The following LRRFIP1 variants were observed in gnomAD, a reference collection of about 807,000 sequenced individuals.
LRRFIP1 encodes LRR binding FLII interacting protein 1, also known as leucine-rich repeat flightless-interacting protein 1.
In LRRFIP1, 62 loss-of-function variants were observed where a neutral mutation model predicts 104.4. The ratio of observed to expected loss-of-function variants is 0.59; its 90% CI spans 0.48 to 0.73. The LOEUF (loss-of-function observed/expected upper bound fraction) is 0.73. Among genes scored for constraint, LRRFIP1 ranks in the 30% least tolerant of loss-of-function variants. The pLI, the probability that LRRFIP1 is intolerant of heterozygous loss-of-function variation, is 0.00. For missense variants in LRRFIP1, 796 were observed against 824.5 expected, an observed-to-expected ratio of 0.97 and a Z score of 0.42; for synonymous variants, 300 against 299.0, an observed-to-expected ratio of 1.00 and a Z score of -0.03.
chr2:237,678,650 C>T (rs969427977), intron 1 of LRRFIP1, among the ~76,000 whole-genome samples: 4 of 151,972 alleles, frequency 2.6e-5, no homozygotes, highest in African/African-American at 9.7e-5. Context: ...GGATTATAGG[C>T]ACCTGCCACC....
chr2:237,671,358 C>T (rs1378219934), intron 1 of LRRFIP1, among the ~76,000 whole-genome samples: 2 of 152,198 alleles, frequency 1.3e-5, no homozygotes, highest in Non-Finnish European at 2.9e-5. Flanking sequence ...GGAGCACATC[C>T]GTGATCCCAC....
At chr2:237,694,579 C>G (rs781551496) in intron 1 of LRRFIP1, among the ~76,000 whole-genome samples, 7 of 152,184 alleles carry the variant, frequency 4.6e-5, no homozygotes, top group Non-Finnish European at 7.3e-5. Flanking sequence ...AGTTCTTGCT[C>G]TGCATTGTGT....
chr2:237,717,338 G>C lies in LRRFIP1; in HGVS notation c.202-424G>C, dbSNP rs552935651. ...CCCTTCTCCTCTCAGTTTCCCTGAG[G>C]TCCCAACACCGGAATGGCTCTGAGC... On this transcript the variant is annotated intron_variant, in intron 3 of 23. Transcript: ENST00000308482. This position sits in a 1 kb window ranked among gnomAD's most constrained non-coding sequence, Gnocchi z 4.2. Among the ~76,000 whole-genome samples, 1 of 152,304 alleles carries C rather than the reference G, an allele frequency of 6.6e-6. No individual in the cohort carries two copies. Among genetic ancestry groups the C allele is most frequent in the African/African-American group, 2.4e-5 (1 of 41,574 alleles).
At chr2:237,749,552 G>A (rs1346569814) in intron 13 of LRRFIP1, among the ~76,000 whole-genome samples, 1 of 152,146 alleles carries the variant, frequency 6.6e-6, no homozygotes, top group Non-Finnish European at 1.5e-5. Flanking sequence ...GGCGGACCGT[G>A]TGCCGGCCCC....
chr2:237,648,726 C>A (rs115383259), intron 1 of LRRFIP1, among the ~76,000 whole-genome samples: 13 of 150,740 alleles, frequency 8.6e-5, no homozygotes, highest in African/African-American at 3.2e-4. Flanking sequence ...CAGCCCAGCC[C>A]GAGCAGCCCA....
rs766171810 is a variant in LRRFIP1 at position 237,714,282 on chromosome 2, CTCT to C, written c.201+11_201+13del. 2 of 1,598,570 alleles carry C rather than the reference CTCT, an allele frequency of 1.3e-6. No homozygotes were observed. Among genetic ancestry groups the C allele is most frequent in the Non-Finnish European group, 1.7e-6 (2 of 1,169,422 alleles). On this transcript the variant is annotated splice_region_variant and intron_variant, in intron 3 of 23. Coordinates refer to ENST00000308482, the MANE Select transcript of LRRFIP1 (RefSeq NM_001137550.2). ...AGATCTATCAGGTCCAAAAGGTAGG[CTCT>C]TCTTTCTTTATTTTCTAACTTGCAT... is the stretch of plus-strand genomic sequence containing the variant.
At chr2:237,712,989 C>T (rs576033825) in intron 2 of LRRFIP1, among the ~76,000 whole-genome samples, 47 of 152,238 alleles carry the variant, frequency 3.1e-4, no homozygotes, top group African/African-American at 1.1e-3. Flanking sequence ...ATTGAGAAAC[C>T]TGATCCCTGT....
At chr2:237,702,581 C>T (rs746553660) in intron 1 of LRRFIP1, among the ~76,000 whole-genome samples, 1 of 152,190 alleles carries the variant, frequency 6.6e-6, no homozygotes, top group African/African-American at 2.4e-5. Context: ...GGCAGCGCTG[C>T]AAAACCCAGC....
intron 1 of LRRFIP1, among the ~76,000 whole-genome samples, chr2:237,680,612 G>A (rs1322500925): frequency 6.6e-6 from 1 of 152,200 alleles, no homozygotes; most frequent in African/African-American, 2.4e-5. Flanking sequence ...AATGCCCCTT[G>A]AATACCGAGG....
At chr2:237,715,716 GTTTC>G (rs1212533745) in intron 3 of LRRFIP1, among the ~76,000 whole-genome samples, 8 of 152,252 alleles carry the variant, frequency 5.3e-5, no homozygotes, top group African/African-American at 1.9e-4. Context: ...TTGCGGAACA[GTTTC>G]TCTGGAATCA....
At chr2:237,675,355 A>G (rs114134337) in intron 1 of LRRFIP1, among the ~76,000 whole-genome samples, 335 of 152,326 alleles carry the variant, frequency 2.2e-3, no homozygotes, top group African/African-American at 7.7e-3. Context: ...GATACACTAT[A>G]TCAGGATTTA....
chr2:237,636,050 T>C (rs979017058), intron 1 of LRRFIP1, among the ~76,000 whole-genome samples: 1 of 147,118 alleles, frequency 6.8e-6, no homozygotes. Context: ...TGAGCTGAGA[T>C]CACACCCCTG....
At chr2:237,702,317 C>T (rs1170435807) in intron 1 of LRRFIP1, among the ~76,000 whole-genome samples, 2 of 152,178 alleles carry the variant, frequency 1.3e-5, no homozygotes, top group Non-Finnish European at 1.5e-5. Flanking sequence ...TTTTCCCAGC[C>T]ATCCCCACCC....
chr2:237,655,077 A>G (rs1470325201), intron 1 of LRRFIP1, among the ~76,000 whole-genome samples: 1 of 148,910 alleles, frequency 6.7e-6, no homozygotes, highest in African/African-American at 2.5e-5. Flanking sequence ...AGGCACAGAA[A>G]GACGAATACC....
chr2:237,732,427 A>G (rs1371628609), intron 8 of LRRFIP1, among the ~76,000 whole-genome samples: 1 of 152,170 alleles, frequency 6.6e-6, no homozygotes, highest in Non-Finnish European at 1.5e-5. Flanking sequence ...TCCTTTTCAC[A>G]TCACTTTGTC....
At chr2:237,728,488 A>G (rs892261107) in intron 8 of LRRFIP1, among the ~76,000 whole-genome samples, 1 of 121,714 alleles carries the variant, frequency 8.2e-6, no homozygotes, top group African/African-American at 3.2e-5. Context: ...CTAGGGGGAG[A>G]GAGAGGGAGT....
At chr2:237,632,997 CAACT>C (rs1163385860) in intron 1 of LRRFIP1, among the ~76,000 whole-genome samples, 1 of 152,202 alleles carries the variant, frequency 6.6e-6, no homozygotes. Context: ...GATTGCACAC[CAACT>C]GAGTGCTGCT....
chr2:237,777,506 A>G (rs187182371), intron 23 of LRRFIP1, among the ~76,000 whole-genome samples: 3 of 152,144 alleles, frequency 2.0e-5, no homozygotes, highest in Non-Finnish European at 2.9e-5. Flanking sequence ...ATTTTCCTCA[A>G]TGATTATAGC....
Position 237,757,527 on chromosome 2 carries a change from G to C in LRRFIP1, c.1203G>C (p.Glu401Asp). Residue 401 changes from glutamate (E) to aspartate (D), a missense_variant, in exon 17 of 24, where the codon GAG becomes GAC. Glu to Asp is a conservative substitution (Grantham distance 45). Coordinates refer to ENST00000308482, the MANE Select transcript of LRRFIP1 (RefSeq NM_001137550.2). Reference protein sequence around the residue: ...REISDLQETIEWKDKKIGALE... With the variant: ...REISDLQETIDWKDKKIGALE... ...TTTCTGATCTTCAGGAAACAATAGA[G>C]TGGAAAGACAAAAAGATAGGGGTAG... The C allele has an allele frequency of 1.3e-6, 2 of 1,586,340 alleles. No individual in the cohort carries two copies.
Sources: gnomAD v4.1 joint callset for allele counts (sites outside exome capture counted in the v4.1 genomes callset) on GRCh38, gnomAD v4.1.1 for gene constraint, Gnocchi (gnomAD v3.1) non-coding constraint, MANE v1.5 for transcripts, NCBI Gene and HGNC (gene_info 2026-07-23, HGNC 2026-07-21) for gene names.